SBF2: variants seen among roughly 807,000 people sequenced by gnomAD.
SBF2 encodes myotubularin-related protein 13.
SBF2 carries 112 observed loss-of-function variants against 225.2 expected under a neutral mutation model. That is an observed-to-expected ratio of 0.50 (90% CI 0.43 to 0.58). The LOEUF (loss-of-function observed/expected upper bound fraction) is 0.58. Ranked by LOEUF, SBF2 falls within the 20% of genes least tolerant of loss-of-function variation. SBF2 has a pLI of 0.00. For synonymous variants in SBF2, 763 were observed against 773.3 expected, an observed-to-expected ratio of 0.99 and a Z score of 0.22; for missense variants, 1,996 against 2,206.2, an observed-to-expected ratio of 0.90 and a Z score of 1.91.
chr11:9,907,129 C>A (rs185860235), intron 16 of SBF2, among the ~76,000 whole-genome samples: 53 of 152,304 alleles, frequency 3.5e-4, no homozygotes, highest in Middle Eastern at 3.4e-3. Flanking sequence ...GCATCTTCTA[C>A]ATAAGGACAA....
intron 14 of SBF2, among the ~76,000 whole-genome samples, chr11:9,967,971 C>CTCTCTATATATA (rs1260685462): frequency 1.3e-4 from 12 of 91,498 alleles, no homozygotes; most frequent in Non-Finnish European, 4.6e-5. Flanking sequence ...CTCTCTCTCT[C>CTCTCTATATATA]TATATATATA....
chr11:10,051,773 T>C (rs1950074370), intron 2 of SBF2, among the ~76,000 whole-genome samples: 1 of 152,076 alleles, frequency 6.6e-6, no homozygotes, highest in Non-Finnish European at 1.5e-5. Context: ...TGAAAAGAAA[T>C]GACCCTAACC....
intron 9 of SBF2, among the ~76,000 whole-genome samples, chr11:9,994,806 G>A (rs1321629213): frequency 3.3e-5 from 5 of 152,068 alleles, no homozygotes; most frequent in Non-Finnish European, 5.9e-5. Flanking sequence ...GGAGGGCAAC[G>A]TGGGTGGATC....
intron 6 of SBF2, among the ~76,000 whole-genome samples, chr11:10,022,256 A>G (rs185638580): frequency 4.6e-5 from 7 of 152,330 alleles, no homozygotes; most frequent in Admixed American, 3.3e-4. Context: ...GGAAAAAAGC[A>G]TAGGATAGAA....
intron 17 of SBF2, among the ~76,000 whole-genome samples, chr11:9,887,056 A>G (rs1412038201): frequency 6.6e-6 from 1 of 152,146 alleles, no homozygotes; most frequent in Non-Finnish European, 1.5e-5. Flanking sequence ...TGGAGTAGAC[A>G]AAGAAATAGT....
intron 1 of SBF2, among the ~76,000 whole-genome samples, chr11:10,203,850 A>T (rs1957655493): frequency 6.6e-6 from 1 of 152,068 alleles, no homozygotes; most frequent in Non-Finnish European, 1.5e-5. Flanking sequence ...TGGGAAAAAG[A>T]CAAAAAAACA....
intron 2 of SBF2, among the ~76,000 whole-genome samples, chr11:10,079,787 C>T (rs980532847): frequency 6.6e-6 from 1 of 152,096 alleles, no homozygotes; most frequent in African/African-American, 2.4e-5. Context: ...ACATAGTCAT[C>T]AGAATGCCTA....
At chr11:10,107,640 G>A (rs923788012) in intron 2 of SBF2, among the ~76,000 whole-genome samples, 2 of 152,024 alleles carry the variant, frequency 1.3e-5, no homozygotes, top group African/African-American at 4.8e-5. Flanking sequence ...CCTAGCTTCT[G>A]GTAGCTGCCA....
intron 17 of SBF2, among the ~76,000 whole-genome samples, chr11:9,885,799 G>A (rs535938391): frequency 2.0e-5 from 3 of 152,060 alleles, no homozygotes; most frequent in African/African-American, 4.8e-5. Context: ...TGATGGTCCT[G>A]GAATCCTCCT....
At chr11:10,024,874 A>G (rs1177138268) in intron 6 of SBF2, among the ~76,000 whole-genome samples, 2 of 152,146 alleles carry the variant, frequency 1.3e-5, no homozygotes, top group African/African-American at 4.8e-5. Context: ...TTGTCAGTAA[A>G]TCTTTGTTAA....
At chr11:10,087,296 C>A (rs1039093949) in intron 2 of SBF2, among the ~76,000 whole-genome samples, 1 of 152,132 alleles carries the variant, frequency 6.6e-6, no homozygotes, top group South Asian at 2.1e-4. Flanking sequence ...TATCCAGATA[C>A]AATTTAGACT....
rs182512414 is a variant in SBF2 at position 9,906,694 on chromosome 11, A to G, written c.1861-10683T>C. Among the ~76,000 whole-genome samples, 510 of 152,386 alleles carry G rather than the reference A, an allele frequency of 3.3e-3. 2 individuals carry two copies. The highest frequency in any genetic ancestry group is 0.012 in the African/African-American group (494 of 41,608). ...TTGTGTGGTTATCTGTTGGGGAATC[A>G]GTCCATAAATACACAATCTGAAGTC... On this transcript the variant is annotated intron_variant, in intron 16 of 39. Coordinates refer to ENST00000256190, the MANE Select transcript of SBF2 (RefSeq NM_030962.4).
chr11:10,274,231 G>A (rs1041209008), intron 1 of SBF2, among the ~76,000 whole-genome samples: 10 of 152,152 alleles, frequency 6.6e-5, no homozygotes, highest in East Asian at 3.9e-4. Context: ...AGAGGCAGGC[G>A]CTCCTTCCGC....
chr11:9,871,597 T>C (rs1373562067), intron 17 of SBF2, among the ~76,000 whole-genome samples: 2 of 151,794 alleles, frequency 1.3e-5, no homozygotes, highest in African/African-American at 2.4e-5. Flanking sequence ...GTTCATGCCA[T>C]TCTCCTGCCT....
chr11:9,986,833 A>G (rs933366296), intron 13 of SBF2, among the ~76,000 whole-genome samples: 5 of 152,190 alleles, frequency 3.3e-5, no homozygotes, highest in Non-Finnish European at 7.4e-5. Context: ...TCACAGCAGA[A>G]TTCTATCAGA....
At chr11:9,993,264 G>C (rs1036694918) in intron 10 of SBF2, among the ~76,000 whole-genome samples, 161 bp from the exon 11 acceptor site, 1 of 152,164 alleles carries the variant, frequency 6.6e-6, no homozygotes, top group African/African-American at 2.4e-5. Context: ...AAACTCTCAA[G>C]ATTGTATTTA....
chr11:10,206,860 T>C (rs1957769624), intron 1 of SBF2, among the ~76,000 whole-genome samples: 1 of 151,822 alleles, frequency 6.6e-6, no homozygotes, highest in Non-Finnish European at 1.5e-5. Flanking sequence ...CCACAGACCA[T>C]AACAAAAGAT....
intron 2 of SBF2, among the ~76,000 whole-genome samples, chr11:10,189,761 C>G (rs72861743): frequency 0.055 from 8,366 of 152,246 alleles, 318 homozygotes; most frequent in Middle Eastern, 0.14. Flanking sequence ...GTACATCTAA[C>G]AAAAACCTTA....
intron 2 of SBF2, among the ~76,000 whole-genome samples, chr11:10,093,963 T>C (rs1217294894): frequency 1.3e-5 from 2 of 152,148 alleles, no homozygotes; most frequent in Admixed American, 1.3e-4. Flanking sequence ...CATTAAAAAA[T>C]ACAAACAAGG....
Sources: allele counts gnomAD v4.1 joint callset (sites outside exome capture counted in the v4.1 genomes callset), GRCh38; gene constraint gnomAD v4.1.1; transcripts MANE v1.5; gene names NCBI Gene and HGNC (gene_info 2026-07-23, HGNC 2026-07-21).